OPHN1: variants seen among roughly 807,000 people sequenced by gnomAD.
OPHN1 encodes the protein oligophrenin-1.
Under a neutral mutation model 60.7 loss-of-function variants are expected in OPHN1, and 11 were observed. The observed-to-expected ratio is 0.18, with a 90% CI of 0.11 to 0.30. The LOEUF is 0.30. Among genes scored for constraint, OPHN1 ranks in the 10% least tolerant of loss-of-function variants. The probability of loss-of-function intolerance (pLI) is 1.00; values close to 1 mark genes in which losing one functional copy is unlikely to be tolerated. For missense variants in OPHN1, 449 were observed against 611.0 expected (o/e 0.73, Z 2.80); for synonymous variants, 226 against 222.6 (o/e 1.02, Z -0.14).
chrX:68,063,989 A>C lies in OPHN1; in HGVS notation c.2023T>G (p.Ser675Ala), dbSNP rs761774320. ...TTGGTCCCTCCATCCTGCAGCCTAG[A>C]CACCAACTTCCCCACGTCCACCTCT... ...CPEVDVGKLVSRLQDGGTKIT... is the reference protein window; with the variant it reads ...CPEVDVGKLVARLQDGGTKIT... The change falls in exon 21 of 25, where the codon TCT becomes GCT. Residue 675 changes from serine to alanine, a missense_variant. Ser to Ala is a moderately conservative substitution (Grantham distance 99). Coordinates refer to ENST00000355520, the MANE Select transcript of OPHN1 (RefSeq NM_002547.3). 1.7e-6 allele frequency: 2 copies of C among 1,209,886 alleles called. No individual in the cohort carries two copies.
chrX:68,187,794 A>AT (rs1158524167), intron 15 of OPHN1, among the ~76,000 whole-genome samples: 4 of 110,262 alleles, frequency 3.6e-5, no homozygotes, highest in African/African-American at 1.3e-4. Context: ...CACCCGGCTA[A>AT]TTTTTTGTAT....
intron 15 of OPHN1, among the ~76,000 whole-genome samples, chrX:68,155,262 C>T (rs1040531766): frequency 8.9e-6 from 1 of 111,857 alleles, no homozygotes; most frequent in African/African-American, 3.3e-5. Context: ...GAAAAATTTA[C>T]GTCAGTTGCT....
At chrX:68,221,655 C>A (rs1467495985) in intron 6 of OPHN1, among the ~76,000 whole-genome samples, 6 of 32,589 alleles carry the variant, frequency 1.8e-4, no homozygotes. Flanking sequence ...CTTTGACAAA[C>A]CTGACAAAAA....
intron 2 of OPHN1, among the ~76,000 whole-genome samples, chrX:68,429,466 A>G (rs759697880): frequency 6.0e-4 from 66 of 110,906 alleles, no homozygotes; most frequent in Non-Finnish European, 7.6e-5. Flanking sequence ...ACTCACGCCT[A>G]TAATCCCAAC....
intron 2 of OPHN1, among the ~76,000 whole-genome samples, chrX:68,359,161 A>T (rs895107307): frequency 8.9e-6 from 1 of 111,961 alleles, no homozygotes; most frequent in African/African-American, 3.2e-5. Context: ...ATGTATGATG[A>T]ACTATTTTTC....
At chrX:68,298,913 C>T (rs2078107495) in intron 3 of OPHN1, 88 bp downstream of exon 3, 1 of 560,241 alleles carries the variant, frequency 1.8e-6, no homozygotes, top group Non-Finnish European at 3.0e-6. Context: ...TGAAGATGTC[C>T]AAGTGCTCTG....
chrX:68,113,293 G>A (rs1357458799), intron 16 of OPHN1, 54 bp from the exon 17 acceptor site: 9 of 997,233 alleles, frequency 9.0e-6, no homozygotes, highest in African/African-American at 7.5e-5. Context: ...CTGGGTATTG[G>A]ATTCTTAGTT....
chrX:68,416,427 C>T (rs780621253), intron 2 of OPHN1, among the ~76,000 whole-genome samples: 2 of 110,682 alleles, frequency 1.8e-5, no homozygotes, highest in East Asian at 2.9e-4. Context: ...AAAAGGAGTT[C>T]GTGACCAAAT....
chrX:68,068,470 CAAA>C (rs61188762), intron 20 of OPHN1, among the ~76,000 whole-genome samples: 2 of 39,791 alleles, frequency 5.0e-5, no homozygotes, highest in Middle Eastern at 0.017. Context: ...GACTCCATCT[CAAA>C]AAAAAAAAAA....
At chrX:68,322,857 T>C (rs1209211369) in intron 2 of OPHN1, among the ~76,000 whole-genome samples, 3 of 111,235 alleles carry the variant, frequency 2.7e-5, no homozygotes, top group East Asian at 5.6e-4. Flanking sequence ...TATTGACATA[T>C]GCAATAACTT....
chrX:68,174,883 A>G (rs2077407519), intron 15 of OPHN1, among the ~76,000 whole-genome samples: 1 of 110,338 alleles, frequency 9.1e-6, no homozygotes, highest in African/African-American at 3.3e-5. Flanking sequence ...CAGGAGTTCA[A>G]GACCAGCCTG....
intron 2 of OPHN1, among the ~76,000 whole-genome samples, chrX:68,425,624 T>A (rs1279069157): frequency 9.4e-6 from 1 of 106,724 alleles, no homozygotes; most frequent in Non-Finnish European, 1.9e-5. Flanking sequence ...AATGTAAACA[T>A]CTAAAACTCT....
At chrX:68,107,146 T>A (rs2077084906) in intron 18 of OPHN1, among the ~76,000 whole-genome samples, 1 of 112,213 alleles carries the variant, frequency 8.9e-6, no homozygotes, top group Non-Finnish European at 1.9e-5. Context: ...AAAACGTAGA[T>A]TCTATATCAT....
chrX:68,184,279 T>C (rs1267586029), intron 15 of OPHN1, among the ~76,000 whole-genome samples: 1 of 111,788 alleles, frequency 8.9e-6, no homozygotes, highest in Non-Finnish European at 1.9e-5. Context: ...CCCAGCACTT[T>C]GGGAGGCCGA....
At chrX:68,408,820 G>T (rs1038048761) in intron 2 of OPHN1, among the ~76,000 whole-genome samples, 1 of 112,247 alleles carries the variant, frequency 8.9e-6, no homozygotes, top group Non-Finnish European at 1.9e-5. Flanking sequence ...AATTGGCCAG[G>T]CGTGGTGGTG....
At chrX:68,396,377 C>T (rs2078683828) in intron 2 of OPHN1, among the ~76,000 whole-genome samples, 1 of 79,541 alleles carries the variant, frequency 1.3e-5, no homozygotes, top group Non-Finnish European at 2.2e-5. Context: ...CTGCAGTGAG[C>T]TATGATTGTG....
intron 5 of OPHN1, among the ~76,000 whole-genome samples, chrX:68,248,037 C>CA (rs1347194404): frequency 9.0e-6 from 1 of 111,460 alleles, no homozygotes; most frequent in Admixed American, 9.6e-5. Context: ...AACCAAAAAT[C>CA]ATGTAAGCAC....
chrX:68,266,211 C>T (rs763445176), intron 5 of OPHN1, among the ~76,000 whole-genome samples: 1 of 111,073 alleles, frequency 9.0e-6, no homozygotes, highest in South Asian at 3.9e-4. Flanking sequence ...AGAGCAACTC[C>T]AAGACACATA....
In OPHN1 at chrX:68,217,616, T is replaced by G. The variant is rs777113483; in HGVS notation, c.487-3644A>C. 1.2e-4 allele frequency among the ~76,000 whole-genome samples: 13 copies of G among 110,294 alleles called. 1 individual carries two copies. In the South Asian group the frequency reaches 5.2e-3, roughly 44 times the overall value. ...CAGACTGCCTCCTCAAGTGGGTCCC[T>G]GACCCCTGACCCCCAAGCAGCCTAA... is the stretch of plus-strand genomic sequence containing the variant. On this transcript the variant is annotated intron_variant, in intron 6 of 24. Coordinates refer to ENST00000355520, the MANE Select transcript of OPHN1 (RefSeq NM_002547.3).
Sources: gnomAD v4.1 joint callset for allele counts (sites outside exome capture counted in the v4.1 genomes callset) on GRCh38, gnomAD v4.1.1 for gene constraint, MANE v1.5 for transcripts, NCBI Gene and HGNC (gene_info 2026-07-23, HGNC 2026-07-21) for gene names.